Variants in LRIF1 observed in about 807,000 individuals in gnomAD.
LRIF1 encodes ligand-dependent nuclear receptor-interacting factor 1.
Under a neutral mutation model 52.7 loss-of-function variants are expected in LRIF1, and 32 were observed. That is an observed-to-expected ratio of 0.61 (90% CI 0.46 to 0.82). LRIF1 has a LOEUF of 0.82. Among genes scored for constraint, LRIF1 ranks in the 40% least tolerant of loss-of-function variants. LRIF1 has a pLI of 0.00. For missense variants in LRIF1, 887 were observed against 892.0 expected, an observed-to-expected ratio of 0.99 and a Z score of 0.07; for synonymous variants, 323 against 317.4, an observed-to-expected ratio of 1.02 and a Z score of -0.19.
At chr1:110,902,517 A>AAAAAAG in the LRIF1 span, among the ~76,000 whole-genome samples, 13 of 104,762 alleles carry the variant, frequency 1.2e-4, no homozygotes, top group Admixed American at 2.5e-4. Context: ...AAAAAAAAAA[A>AAAAAAG]AAAGAAATAC....
chr1:110,928,763 A>G, the LRIF1 span, among the ~76,000 whole-genome samples: 1 of 152,130 alleles, frequency 6.6e-6, no homozygotes, highest in Non-Finnish European at 1.5e-5. Context: ...TATGCCTGCT[A>G]TATTTAACAA....
the LRIF1 span, among the ~76,000 whole-genome samples, chr1:110,881,851 C>T: frequency 7.2e-5 from 11 of 152,138 alleles, no homozygotes; most frequent in Non-Finnish European, 4.4e-5. Flanking sequence ...TTTGCATTTC[C>T]TTAATGAGTA....
chr1:110,952,029 T>C lies in LRIF1; in HGVS notation c.855A>G (p.Gln285=), dbSNP rs1658501075. 1.9e-6 allele frequency: 3 copies of C among 1,614,212 alleles called. No homozygotes were observed. The highest frequency in any genetic ancestry group is 2.2e-5 in the East Asian group (1 of 44,888). Reference sequence around the variant, plus strand: ...GGAAAATCCATTTCACTGGAGCAGCTTGAGAATGCTGACCACCTTTCAATT... The same window carrying C: ...GGAAAATCCATTTCACTGGAGCAGCCTGAGAATGCTGACCACCTTTCAATT... The part of the protein sequence containing the change: ...ETQLKGGQHS[Q]AAPVKWIFQD... Residue 285 remains glutamine (Q), a synonymous_variant, in exon 2 of 4, where the codon CAA becomes CAG. Transcript: ENST00000369763.
chr1:110,911,707 G>A, the LRIF1 span, among the ~76,000 whole-genome samples: 5 of 152,032 alleles, frequency 3.3e-5, no homozygotes, highest in African/African-American at 4.8e-5. Context: ...CAACATATAC[G>A]AATCAGTAAA....
chr1:110,916,753 C>T, the LRIF1 span, among the ~76,000 whole-genome samples: 1 of 152,104 alleles, frequency 6.6e-6, no homozygotes, highest in Admixed American at 6.6e-5. Context: ...GTCTTGCAGG[C>T]ACTAACCAAA....
At chr1:110,960,496 T>A (rs1293379588) in intron 1 of LRIF1, among the ~76,000 whole-genome samples, 3 of 152,222 alleles carry the variant, frequency 2.0e-5, no homozygotes, top group Admixed American at 1.3e-4. Context: ...GGAAGATAGC[T>A]GCCAATGGCC....
the LRIF1 span, among the ~76,000 whole-genome samples, chr1:110,907,805 C>T: frequency 6.6e-6 from 1 of 152,008 alleles, no homozygotes; most frequent in Non-Finnish European, 1.5e-5. Context: ...CCCAGATGGC[C>T]CACTCACACA....
the LRIF1 span, chr1:110,891,303 A>G: frequency 7.7e-6 from 7 of 908,328 alleles, no homozygotes; most frequent in Non-Finnish European, 1.3e-5. Context: ...ACCCAAGGTA[A>G]TGCTAGAGAT....
chr1:110,899,182 C>T, the LRIF1 span: 20 of 1,611,402 alleles, frequency 1.2e-5, no homozygotes, highest in Non-Finnish European at 1.7e-5. Flanking sequence ...ACCAGCCAGA[C>T]CATAGGGCTA....
the LRIF1 span, chr1:110,899,188 G>C: frequency 7.5e-6 from 12 of 1,610,042 alleles, no homozygotes; most frequent in South Asian, 1.2e-4. Flanking sequence ...CAGACCATAG[G>C]GCTATGATCT....
chr1:110,951,834 C>CAA lies in LRIF1; in HGVS notation c.1049_1050insTT (p.Met350IlefsTer43). 1 of 1,612,892 alleles carries CAA rather than the reference C, an allele frequency of 6.2e-7. No individual in the cohort carries two copies. Among genetic ancestry groups the CAA allele is most frequent in the Non-Finnish European group, 8.5e-7 (1 of 1,180,000 alleles). On this transcript the variant is annotated frameshift_variant, in exon 2 of 4. Transcript: ENST00000369763. LOFTEE classifies it high-confidence loss of function. ...TAACCAAAGCATTATCTTTAATAGG[C>CAA]ATATTTTTGGATCGCGTCCCACTAG...
At chr1:110,898,493 C>G in the LRIF1 span, among the ~76,000 whole-genome samples, 1 of 151,888 alleles carries the variant, frequency 6.6e-6, no homozygotes, top group Non-Finnish European at 1.5e-5. Flanking sequence ...CCACTGTGAT[C>G]CCTCCTCAGC....
At chr1:110,883,888 C>T in the LRIF1 span, among the ~76,000 whole-genome samples, 1 of 151,832 alleles carries the variant, frequency 6.6e-6, no homozygotes, top group African/African-American at 2.4e-5. Context: ...TTCTCTCAAT[C>T]CTAATATTGA....
the LRIF1 span, chr1:110,938,936 A>C: frequency 6.8e-6 from 1 of 147,208 alleles, no homozygotes; most frequent in Non-Finnish European, 1.5e-5. Flanking sequence ...ATATGAAAAA[A>C]GTAATCCCAT....
chr1:110,947,927 C>A lies in LRIF1; in HGVS notation c.*32G>T. Reference sequence around the variant, plus strand: ...TAATGCTGAAGTATATTTTAAAAAACAGCTATTTCACTGAAGTCTTTACAG... The same window carrying A: ...TAATGCTGAAGTATATTTTAAAAAAAAGCTATTTCACTGAAGTCTTTACAG... On this transcript the variant is annotated 3_prime_UTR_variant, in exon 4 of 4. Transcript: ENST00000369763. The A allele has an allele frequency of 1.3e-6, 2 of 1,538,822 alleles. No homozygotes were observed. The highest frequency in any genetic ancestry group is 1.7e-6 in the Non-Finnish European group (2 of 1,147,276).
chr1:110,950,727 CA>C (rs139152955), intron 2 of LRIF1, among the ~76,000 whole-genome samples: 6 of 145,966 alleles, frequency 4.1e-5, no homozygotes, highest in East Asian at 4.0e-4. Context: ...ATTTGTCTAC[CA>C]AAAAAAAAAT....
chr1:110,900,397 T>C, the LRIF1 span, among the ~76,000 whole-genome samples: 384 of 152,270 alleles, frequency 2.5e-3, 1 homozygote, highest in African/African-American at 8.9e-3. Flanking sequence ...GATGGAGACT[T>C]GCTTTGTCAC....
At chr1:110,897,367 C>T in the LRIF1 span, among the ~76,000 whole-genome samples, 1 of 152,220 alleles carries the variant, frequency 6.6e-6, no homozygotes, top group Non-Finnish European at 1.5e-5. Flanking sequence ...TGGAGAAAGA[C>T]TAGGACAACC....
the LRIF1 span, among the ~76,000 whole-genome samples, chr1:110,887,006 A>C: frequency 1.3e-5 from 2 of 150,714 alleles, no homozygotes; most frequent in Non-Finnish European, 3.0e-5. Context: ...TTGTAGTTTC[A>C]TCTTTAGAAG....
Sources: gnomAD v4.1 joint callset for allele counts (sites outside exome capture counted in the v4.1 genomes callset) on GRCh38, gnomAD v4.1.1 for gene constraint, MANE v1.5 for transcripts, NCBI Gene and HGNC (gene_info 2026-07-23, HGNC 2026-07-21) for gene names.